Variants in HECTD4 observed in about 807,000 individuals in gnomAD.
HECTD4 encodes the protein probable E3 ubiquitin-protein ligase HECTD4.
A neutral mutation model predicts 471.5 loss-of-function variants in HECTD4; 114 were observed. The ratio of observed to expected loss-of-function variants is 0.24; its 90% CI spans 0.21 to 0.28. The LOEUF (loss-of-function observed/expected upper bound fraction) is 0.28, where lower values mean the gene tolerates loss of function less well. Among genes scored for constraint, HECTD4 ranks in the 10% least tolerant of loss-of-function variants. HECTD4 has a pLI of 1.00. For synonymous variants in HECTD4, 2,012 were observed against 2,256.0 expected (o/e 0.89, Z 3.07); for missense variants, 3,866 against 5,651.5 (o/e 0.68, Z 10.13).
At position 112,173,610 on chromosome 12, in the gene HECTD4, G is replaced by A. The variant is rs1162614833; in HGVS notation, c.11595-749C>T. On this transcript the variant is annotated intron_variant, in intron 66 of 75. Transcript: ENST00000682272. This position sits in a 1 kb window ranked among gnomAD's most constrained non-coding sequence, Gnocchi z 4.3. ...GAGGTTTCACCGTGTTAGCCAGGAT[G>A]GTCTCAATCTCCTGACCTTGTGATC... Among the ~76,000 whole-genome samples, 2 of 151,868 alleles carry A rather than the reference G, an allele frequency of 1.3e-5. No individual in the cohort carries two copies. Among genetic ancestry groups the A allele is most frequent in the Non-Finnish European group, 2.9e-5 (2 of 67,980 alleles).
Position 112,240,033 on chromosome 12 carries a change from A to G in HECTD4, c.4959-6T>C, listed in dbSNP as rs1295853879. The G allele has an allele frequency of 6.2e-7, 1 of 1,613,410 alleles. No homozygotes were observed. Among genetic ancestry groups the G allele is most frequent in the Non-Finnish European group, 8.5e-7 (1 of 1,179,532 alleles). ...CACATGTGAGTTCTTCAATTCTGTG[A>G]AAGAGAAACCAAAGCTCAGGCTTCC... is the stretch of plus-strand genomic sequence containing the variant. On this transcript the variant is annotated splice_region_variant and splice_polypyrimidine_tract_variant and intron_variant, in intron 32 of 75. Coordinates refer to ENST00000682272, the MANE Select transcript of HECTD4 (RefSeq NM_001388303.1).
intron 60 of HECTD4, among the ~76,000 whole-genome samples, chr12:112,189,282 G>A (rs777888448): frequency 1.6e-4 from 24 of 152,286 alleles, no homozygotes; most frequent in Admixed American, 6.5e-4. Flanking sequence ...GCCGGGCGCA[G>A]TGGCTGATGT....
chr12:112,197,289 T>G (rs1025221538), intron 55 of HECTD4, among the ~76,000 whole-genome samples: 7 of 152,172 alleles, frequency 4.6e-5, no homozygotes, highest in Non-Finnish European at 2.9e-5. Context: ...CCACTGCTGC[T>G]CTAGCCTCTG....
intron 7 of HECTD4, among the ~76,000 whole-genome samples, chr12:112,300,497 T>C (rs1375210699): frequency 1.3e-5 from 2 of 152,224 alleles, no homozygotes; most frequent in Non-Finnish European, 2.9e-5. Flanking sequence ...TTATCCTTGG[T>C]AATCTGAAAT....
At position 112,167,779 on chromosome 12, in the gene HECTD4, C is replaced by T. The variant is rs370366754; in HGVS notation, c.12312+35G>A. On this transcript the variant is annotated intron_variant, in intron 71 of 75. Transcript: ENST00000682272. ...CCAGCCACTGCGCAGGACATGAGCT[C>T]GGGGGCGTGGAGCCTCCTCCCGGCC... is the stretch of plus-strand genomic sequence containing the variant. The T allele has an allele frequency of 6.5e-5, 101 of 1,560,238 alleles. No homozygotes were observed. The African/African-American group carries it at 1.3e-3, about 19-fold the overall frequency.
At chr12:112,311,945 T>C (rs2035381597) in intron 4 of HECTD4, among the ~76,000 whole-genome samples, 1 of 152,232 alleles carries the variant, frequency 6.6e-6, no homozygotes, top group Admixed American at 6.5e-5. Flanking sequence ...TTTAAAAGCC[T>C]TGCCGCTTCT....
rs4766864 is a variant in HECTD4, at chr12:112,271,317, G to A, written c.1943-858C>T. Among the ~76,000 whole-genome samples, 8,478 of 152,268 alleles carry A rather than the reference G, an allele frequency of 0.056. 1,292 individuals are homozygous for A. In the East Asian group the frequency reaches 0.61, roughly 11 times the overall value. ...TTCTCTGATATGCTTCTTCTAGGAG[G>A]TGGAGCTTAATTCCCCTTCCCTTCA... On this transcript the variant is annotated intron_variant, in intron 11 of 75. Transcript: ENST00000682272.
chr12:112,232,431 A>T (rs1000138511), intron 38 of HECTD4, among the ~76,000 whole-genome samples: 1 of 152,116 alleles, frequency 6.6e-6, no homozygotes, highest in African/African-American at 2.4e-5. Flanking sequence ...TGCCTGGCCT[A>T]TTTTGTTTGT....
In HECTD4 at chr12:112,172,635, G is replaced by A. The variant is rs776559522; in HGVS notation, c.11785+36C>T. The A allele has an allele frequency of 4.4e-6, 7 of 1,599,552 alleles. No individual in the cohort carries two copies. In the South Asian group the frequency reaches 7.7e-5, roughly 18 times the overall value. On this transcript the variant is annotated intron_variant, in intron 67 of 75. Transcript: ENST00000682272. Reference sequence around the variant, plus strand: ...CTTGTCATGGGGCATGCCCGCATCAGGCAGCAGGGGAGGGGATAGGCCCAG... The same window carrying A: ...CTTGTCATGGGGCATGCCCGCATCAAGCAGCAGGGGAGGGGATAGGCCCAG...
At chr12:112,366,880 CAAA>C (rs575561407) in intron 1 of HECTD4, among the ~76,000 whole-genome samples, 5 of 68,642 alleles carry the variant, frequency 7.3e-5, no homozygotes, top group Non-Finnish European at 8.8e-5. Context: ...AACTCTGTCT[CAAA>C]AAAAAAAAAA....
At chr12:112,170,557 C>A in intron 68 of HECTD4, 105 bp from the exon 69 acceptor site, 1 of 1,452,236 alleles carries the variant, frequency 6.9e-7, no homozygotes, top group Admixed American at 2.0e-5. Context: ...CTCAGGCCCC[C>A]TGGTGGCAGT....
chr12:112,300,079 G>T (rs921908648), intron 7 of HECTD4, among the ~76,000 whole-genome samples: 2 of 152,282 alleles, frequency 1.3e-5, no homozygotes, highest in Admixed American at 6.5e-5. Flanking sequence ...ACTTTGGGAG[G>T]CCAAGGGGGT....
Position 112,229,755 on chromosome 12 carries a change from G to A in HECTD4, c.6462C>T (p.Ala2154=), listed in dbSNP as rs370476121. 9.3e-6 allele frequency: 15 copies of A among 1,613,890 alleles called. No individual in the cohort carries two copies. Among genetic ancestry groups the A allele is most frequent in the East Asian group, 4.5e-5 (2 of 44,900 alleles). The change falls in exon 41 of 76, where the codon GCC becomes GCT. Residue 2154 remains alanine, a synonymous_variant. Coordinates refer to ENST00000682272, the MANE Select transcript of HECTD4 (RefSeq NM_001388303.1). ...TGAAGCCTCCAAGTGCACACAGTGC[G>A]GCAACGGCCTGGCGTGCAATTCTCT... is the stretch of plus-strand genomic sequence containing the variant. ...KLQRIARQAV[A]ALCALGGFKE...
At chr12:112,289,448 A>G (rs1234741014) in intron 7 of HECTD4, among the ~76,000 whole-genome samples, 1 of 152,148 alleles carries the variant, frequency 6.6e-6, no homozygotes, top group African/African-American at 2.4e-5. Context: ...AGTCGTTTCA[A>G]TCCATTAGTT....
chr12:112,277,383 C>T (rs1047575622), intron 9 of HECTD4, among the ~76,000 whole-genome samples: 3 of 152,172 alleles, frequency 2.0e-5, no homozygotes, highest in African/African-American at 7.2e-5. Context: ...CTTTGCCTTC[C>T]GCCATGATTG....
At chr12:112,210,966 T>G (rs1467999853) in intron 49 of HECTD4, among the ~76,000 whole-genome samples, 2 of 152,232 alleles carry the variant, frequency 1.3e-5, no homozygotes, top group Non-Finnish European at 2.9e-5. Flanking sequence ...TTGGCATCAT[T>G]AATTCACTCA....
intron 68 of HECTD4, 180 bp from the exon 69 acceptor site, chr12:112,170,632 TC>T: frequency 3.1e-6 from 2 of 655,452 alleles, no homozygotes; most frequent in Non-Finnish European, 2.5e-6. Flanking sequence ...CCTTTGTCAT[TC>T]CCAGGAGACA....
Position 112,230,735 on chromosome 12 carries a change from C to T in HECTD4, c.6288G>A (p.Met2096Ile). 1 of 1,611,096 alleles carries T rather than the reference C, an allele frequency of 6.2e-7. No individual in the cohort carries two copies. The highest frequency in any genetic ancestry group is 8.5e-7 in the Non-Finnish European group (1 of 1,178,690). ...EVIALLHSLLMAPESNAAQIW... is the reference protein window; with the variant it reads ...EVIALLHSLLIAPESNAAQIW... ...TTTGAGCAGCATTTGATTCAGGTGC[C>T]ATGAGCAAGCTATGTAGCAAGGCGA... The change falls in exon 40 of 76, where the codon ATG becomes ATA. Residue 2096 changes from methionine to isoleucine, a missense_variant. By Grantham distance (10) the Met-to-Ile change is conservative (BLOSUM62 1). Around this residue, in one of 16 missense-constraint regions of HECTD4, gnomAD observed 617 missense variants for 915.1 expected, o/e 0.67. Transcript: ENST00000682272.
intron 23 of HECTD4, 21 bp downstream of exon 23, chr12:112,252,403 G>T: frequency 6.4e-7 from 1 of 1,572,212 alleles, no homozygotes. Context: ...TTTGTCCACG[G>T]CAGTGGTTAG....
Sources: allele counts gnomAD v4.1 joint callset (sites outside exome capture counted in the v4.1 genomes callset), GRCh38; gene constraint gnomAD v4.1.1; regional missense constraint gnomAD v4.1.1; non-coding constraint Gnocchi (gnomAD v3.1); transcripts MANE v1.5; gene names NCBI Gene and HGNC (gene_info 2026-07-23, HGNC 2026-07-21).